MAMLD1: variants seen among roughly 807,000 people sequenced by gnomAD.
The protein encoded by MAMLD1 is mastermind-like domain-containing protein 1.
A neutral mutation model predicts 45.0 loss-of-function variants in MAMLD1; 14 were observed. The ratio of observed to expected loss-of-function variants is 0.31; its 90% confidence interval spans 0.21 to 0.49. The LOEUF is 0.49. Among genes scored for constraint, MAMLD1 ranks in the 20% least tolerant of loss-of-function variants. MAMLD1 has a pLI of 0.99. For missense variants in MAMLD1, 543 were observed against 603.6 expected (o/e 0.90, Z 1.05); for synonymous variants, 254 against 247.8 (o/e 1.02, Z -0.24).
intron 1 of MAMLD1, among the ~76,000 whole-genome samples, chrX:150,401,322 T>G (rs1373852380): frequency 1.9e-5 from 2 of 103,042 alleles, no homozygotes; most frequent in Admixed American, 1.1e-4. Flanking sequence ...CATTCACAAT[T>G]GCTTCAAAGA....
At chrX:150,450,564 A>G (rs1298840858) in intron 2 of MAMLD1, among the ~76,000 whole-genome samples, 1 of 111,839 alleles carries the variant, frequency 8.9e-6, no homozygotes, top group Non-Finnish European at 1.9e-5. Context: ...AGTAGGGTTA[A>G]TAACTCTGCT....
rs192836298 is a variant in MAMLD1 at position 150,456,023 on chromosome X, G to A, written c.97-6749G>A. Among the ~76,000 whole-genome samples, 455 of 111,352 alleles carry A rather than the reference G, an allele frequency of 4.1e-3. 2 individuals are homozygous for A. The highest frequency in any genetic ancestry group is 6.2e-3 in the Non-Finnish European group (331 of 53,069). On this transcript the variant is annotated intron_variant, in intron 2 of 7. Transcript: ENST00000370401. ...CCTGTGATGTATGGTTTGGAAAACC[G>A]TGGGTCAAATACAACCGTCCCTACA...
intron 1 of MAMLD1, among the ~76,000 whole-genome samples, chrX:150,384,482 C>T (rs782031882): frequency 8.9e-6 from 1 of 111,860 alleles, no homozygotes; most frequent in African/African-American, 3.2e-5. Flanking sequence ...TATTGTTGAA[C>T]TGTAAGCATT....
chrX:150,370,251 C>G (rs2031863284), intron 1 of MAMLD1, among the ~76,000 whole-genome samples: 1 of 110,756 alleles, frequency 9.0e-6, no homozygotes, highest in Non-Finnish European at 1.9e-5. Context: ...CAGCACCAGT[C>G]AACTGTATGG....
chrX:150,440,422 G>A (rs1174304493), intron 1 of MAMLD1, among the ~76,000 whole-genome samples: 1 of 108,999 alleles, frequency 9.2e-6, no homozygotes, highest in Non-Finnish European at 1.9e-5. Context: ...AGGATATTAT[G>A]TAGAATTGGT....
chrX:150,444,300 G>T lies in MAMLD1; in HGVS notation c.-63-1154G>T, dbSNP rs886545897. Among the ~76,000 whole-genome samples the T allele has an allele frequency of 1.8e-4, 20 of 111,987 alleles. No homozygotes were observed. The East Asian group carries it at 5.6e-3, about 31-fold the overall frequency. On this transcript the variant is annotated intron_variant, in intron 1 of 7. Transcript: ENST00000370401. ...GTTTGGCTGGAGTAGAGCAGTTATT[G>T]TCTAAAAGTTTTCTGTCTTGCTAGG...
At chrX:150,445,714 A>C in intron 2 of MAMLD1, 102 bp downstream of exon 2, 2 of 612,326 alleles carry the variant, frequency 3.3e-6, no homozygotes, top group South Asian at 5.3e-5. Flanking sequence ...ACTTGGTGGC[A>C]GGGATCCAAC....
intron 5 of MAMLD1, among the ~76,000 whole-genome samples, chrX:150,478,215 A>C (rs1200496489): frequency 8.9e-6 from 1 of 112,547 alleles, no homozygotes; most frequent in Non-Finnish European, 1.9e-5. Flanking sequence ...TAGTGAGGCC[A>C]AGAGAATTTC....
chrX:150,469,332 T>G (rs2036327225), intron 3 of MAMLD1, among the ~76,000 whole-genome samples: 1 of 112,647 alleles, frequency 8.9e-6, no homozygotes, highest in Non-Finnish European at 1.9e-5. Context: ...TTTAGTGACT[T>G]CTGCATAGTT....
At chrX:150,458,965 T>C (rs1334481336) in intron 2 of MAMLD1, among the ~76,000 whole-genome samples, 1 of 112,464 alleles carries the variant, frequency 8.9e-6, no homozygotes, top group African/African-American at 3.2e-5. Context: ...TTAATAATGC[T>C]GTATTGCATA....
intron 5 of MAMLD1, among the ~76,000 whole-genome samples, chrX:150,491,255 TG>T (rs2037178698): frequency 8.9e-6 from 1 of 111,954 alleles, no homozygotes; most frequent in Non-Finnish European, 1.9e-5. Context: ...GTCATACAGC[TG>T]CCAAGTATAT....
At chrX:150,451,363 A>G (rs1277465274) in intron 2 of MAMLD1, among the ~76,000 whole-genome samples, 1 of 111,496 alleles carries the variant, frequency 9.0e-6, no homozygotes, top group Non-Finnish European at 1.9e-5. Flanking sequence ...GACAGAGTTG[A>G]GGCTCAGAAG....
chrX:150,444,537 C>T (rs2035426524), intron 1 of MAMLD1, among the ~76,000 whole-genome samples: 1 of 111,378 alleles, frequency 9.0e-6, no homozygotes, highest in Admixed American at 9.5e-5. Context: ...CTTTTAATGT[C>T]TTATTATGTT....
At position 150,506,302 on chromosome X, in the gene MAMLD1, C is replaced by T. The variant is rs946566470; in HGVS notation, c.2284+2785C>T. On this transcript the variant is annotated intron_variant, in intron 6 of 7. Coordinates refer to ENST00000370401, the MANE Select transcript of MAMLD1 (RefSeq NM_005491.5). ...TCTGTCCTCCCTTCCCCTTCTCCCT[C>T]CTCCTCTACCCTCCCCTTTTTCCTC... is the stretch of plus-strand genomic sequence containing the variant. 3.7e-5 allele frequency among the ~76,000 whole-genome samples: 4 copies of T among 106,758 alleles called. No homozygotes were observed. In the Admixed American group the frequency reaches 4.0e-4, roughly 11 times the overall value. 92.7% of individuals were successfully genotyped at this position (106,758 alleles called of 115,157 possible).
At chrX:150,398,331 AGAAGAAGAAGAGGAAGAG>A (rs1569564619) in intron 1 of MAMLD1, among the ~76,000 whole-genome samples, 126 of 66,906 alleles carry the variant, frequency 1.9e-3, no homozygotes, top group African/African-American at 4.6e-3. Flanking sequence ...AAGAAGAAGA[AGAAGAAGAAGAGGAAGAG>A]GAAGAGGAAG....
chrX:150,431,444 A>G (rs147271978), intron 1 of MAMLD1, among the ~76,000 whole-genome samples: 146 of 108,562 alleles, frequency 1.3e-3, no homozygotes, highest in Non-Finnish European at 2.3e-3. Context: ...GTCAAGGGGT[A>G]CATGTGCGGG....
intron 1 of MAMLD1, among the ~76,000 whole-genome samples, chrX:150,430,151 A>G (rs782222845): frequency 3.7e-4 from 38 of 102,663 alleles, no homozygotes; most frequent in Non-Finnish European, 7.3e-4. Context: ...GAGTAGCTGG[A>G]ATTACAGGTG....
At chrX:150,404,370 G>A (rs2033947319) in intron 1 of MAMLD1, among the ~76,000 whole-genome samples, 1 of 111,560 alleles carries the variant, frequency 9.0e-6, no homozygotes, top group Non-Finnish European at 1.9e-5. Flanking sequence ...AAATATATTG[G>A]AGATTCTCAC....
At chrX:150,511,573 G>C (rs1003105744) in intron 7 of MAMLD1, among the ~76,000 whole-genome samples, 1 of 111,925 alleles carries the variant, frequency 8.9e-6, no homozygotes, top group Admixed American at 9.4e-5. Flanking sequence ...GCTAGCTCCC[G>C]CCACCAGCCC....
Sources: allele counts gnomAD v4.1 joint callset (sites outside exome capture counted in the v4.1 genomes callset), GRCh38; gene constraint gnomAD v4.1.1; transcripts MANE v1.5; gene names NCBI Gene and HGNC (gene_info 2026-07-23, HGNC 2026-07-21).